Variants in SLC23A2 observed in about 807,000 individuals in gnomAD.
SLC23A2 encodes Na(+)/L-ascorbic acid transporter 2.
SLC23A2 carries 36 observed loss-of-function variants against 73.3 expected under a neutral mutation model. That is an observed-to-expected ratio of 0.49 (90% CI 0.38 to 0.65). SLC23A2 has a LOEUF of 0.65. Ranked by LOEUF, SLC23A2 falls within the 30% of genes least tolerant of loss-of-function variation. The pLI is 0.00. For missense variants in SLC23A2, 507 were observed against 841.6 expected (o/e 0.60, Z 4.92); for synonymous variants, 343 against 327.3 (o/e 1.05, Z -0.52).
rs11697164 is a variant in SLC23A2, at chr20:4,975,436, A to G, written c.-281-4517T>C. On this transcript the variant is annotated intron_variant, in intron 1 of 16. Transcript: ENST00000338244. ...CACTCTGTTGCCCAGGCTGGAATGC[A>G]GTGGTGCCATCTTGGCTCACTGCAA... Among the ~76,000 whole-genome samples the G allele has an allele frequency of 4.8e-3, 734 of 152,300 alleles. 4 individuals are homozygous for G. The Middle Eastern group carries it at 0.054, about 11-fold the overall frequency.
intron 2 of SLC23A2, among the ~76,000 whole-genome samples, chr20:4,949,637 GCA>G (rs559250145): frequency 9.4e-4 from 143 of 151,908 alleles, no homozygotes; most frequent in African/African-American, 3.4e-3. Flanking sequence ...ACCTACACAG[GCA>G]CAGTCACACA....
intron 12 of SLC23A2, among the ~76,000 whole-genome samples, chr20:4,869,294 G>A (rs575873662): frequency 4.0e-5 from 6 of 150,782 alleles, no homozygotes; most frequent in East Asian, 1.9e-4. Context: ...TGGGCAACAC[G>A]GTGAGACCCT....
At chr20:5,004,116 A>G (rs2122392805), upstream of SLC23A2, among the ~76,000 whole-genome samples, 1 of 152,208 alleles carries the variant, frequency 6.6e-6, no homozygotes, top group East Asian at 1.9e-4. Flanking sequence ...CTCCCTAGAC[A>G]AGACAGACAT....
chr20:4,999,451 T>C (rs2088080523), intron 1 of SLC23A2, among the ~76,000 whole-genome samples: 1 of 152,150 alleles, frequency 6.6e-6, no homozygotes, highest in African/African-American at 2.4e-5. Context: ...AGACTAGAGT[T>C]TGCTCCATCA....
chr20:4,945,302 T>TTGTTTGTC (rs1003344370), intron 2 of SLC23A2, among the ~76,000 whole-genome samples: 1 of 152,018 alleles, frequency 6.6e-6, no homozygotes, highest in African/African-American at 2.4e-5. Context: ...TCTTGTTTGT[T>TTGTTTGTC]TGTTTGTTTG....
intron 2 of SLC23A2, among the ~76,000 whole-genome samples, chr20:4,957,123 C>T (rs2087303189): frequency 6.6e-6 from 1 of 151,924 alleles, no homozygotes; most frequent in Non-Finnish European, 1.5e-5. Context: ...CCTCTTCTTA[C>T]TGGCTGCAGG....
At chr20:4,961,292 A>G (rs1489330195) in intron 2 of SLC23A2, among the ~76,000 whole-genome samples, 1 of 152,056 alleles carries the variant, frequency 6.6e-6, no homozygotes, top group Admixed American at 6.6e-5. Flanking sequence ...CTTGTTAGCC[A>G]GGATGGTCTC....
intron 4 of SLC23A2, among the ~76,000 whole-genome samples, chr20:4,905,782 GC>G (rs1931926940): frequency 6.6e-6 from 1 of 152,182 alleles, no homozygotes; most frequent in African/African-American, 2.4e-5. Context: ...AATATTTCAA[GC>G]TTTGGGAGCC....
chr20:4,882,962 T>C (rs1296355711), intron 9 of SLC23A2, among the ~76,000 whole-genome samples: 3 of 152,202 alleles, frequency 2.0e-5, no homozygotes, highest in Non-Finnish European at 2.9e-5. Context: ...ACATAGAGAA[T>C]GTGGGCTCTG....
Position 4,896,204 on chromosome 20 carries a change from G to A in SLC23A2, c.482+3351C>T, listed in dbSNP as rs538857609. 2.0e-4 allele frequency among the ~76,000 whole-genome samples: 30 copies of A among 152,250 alleles called. 1 individual carries two copies. Among genetic ancestry groups the A allele is most frequent in the Non-Finnish European group, 3.7e-4 (25 of 67,988 alleles). ...AAGGGGGGAACCAGCGGCCTCTCTC[G>A]TTGCCTCAGTGCCCCTTCGCTGCCT... On this transcript the variant is annotated intron_variant, in intron 6 of 16. Transcript: ENST00000338244.
chr20:4,970,941 A>G (rs927678156), intron 1 of SLC23A2, 22 bp from the exon 2 acceptor site: 2 of 152,344 alleles, frequency 1.3e-5, no homozygotes, highest in East Asian at 1.9e-4. Context: ...CAAATGGTAA[A>G]TTAAAAGTAA....
At chr20:4,867,702 G>T in intron 13 of SLC23A2, 68 bp downstream of exon 13, 2 of 854,922 alleles carry the variant, frequency 2.3e-6, no homozygotes, top group Non-Finnish European at 3.8e-6. Context: ...ACTTGCAGTG[G>T]CCAGATCGAT....
At chr20:5,007,336 G>A (rs1413563670) in intron 1 of SLC23A2, among the ~76,000 whole-genome samples, 3 of 152,148 alleles carry the variant, frequency 2.0e-5, no homozygotes, top group Non-Finnish European at 4.4e-5. Flanking sequence ...TTGGAGACCA[G>A]CTTGGTGAAC....
chr20:4,874,441 G>GTCAT, intron 10 of SLC23A2, 135 bp downstream of exon 10: 1 of 782,030 alleles, frequency 1.3e-6, no homozygotes, highest in Non-Finnish European at 2.1e-6. Context: ...GATCTGAGTG[G>GTCAT]TCATTAGTAG....
chr20:4,864,050 G>A (rs1930093169), intron 13 of SLC23A2, among the ~76,000 whole-genome samples: 1 of 152,140 alleles, frequency 6.6e-6, no homozygotes, highest in Non-Finnish European at 1.5e-5. Context: ...AGGTGGTGCT[G>A]GCATCAGGCT....
At chr20:4,894,244 G>A (rs1931437520) in intron 6 of SLC23A2, among the ~76,000 whole-genome samples, 1 of 152,114 alleles carries the variant, frequency 6.6e-6, no homozygotes, top group Non-Finnish European at 1.5e-5. Flanking sequence ...GGAAAAGGTA[G>A]GGAGGAAGAG....
At chr20:5,002,446 G>C (rs1279683), upstream of SLC23A2, among the ~76,000 whole-genome samples, 5 of 152,012 alleles carry the variant, frequency 3.3e-5, no homozygotes, top group Middle Eastern at 3.4e-3. Flanking sequence ...TCTTGAAACC[G>C]TTGTCATGGT....
At chr20:4,910,803 T>C (rs1932114964) in intron 4 of SLC23A2, among the ~76,000 whole-genome samples, 1 of 151,836 alleles carries the variant, frequency 6.6e-6, no homozygotes, top group Non-Finnish European at 1.5e-5. Flanking sequence ...GTAAGAAAAA[T>C]GGCCAGGAAA....
At position 4,957,594 on chromosome 20, in the gene SLC23A2, A is replaced by C. The variant is rs2087311404; in HGVS notation, c.-155+13199T>G. 2.0e-5 allele frequency among the ~76,000 whole-genome samples: 3 copies of C among 151,538 alleles called. No individual in the cohort carries two copies. The South Asian group carries it at 6.2e-4, about 31-fold the overall frequency. On this transcript the variant is annotated intron_variant, in intron 2 of 16. Transcript: ENST00000338244. ...AAAACTATAACCTCAAAAAAAAAAA[A>C]AAAGAAAAGAAAAAAAACCCAACAG...
Sources: gnomAD v4.1 joint callset for allele counts (sites outside exome capture counted in the v4.1 genomes callset) on GRCh38, gnomAD v4.1.1 for gene constraint, MANE v1.5 for transcripts, NCBI Gene and HGNC (gene_info 2026-07-23, HGNC 2026-07-21) for gene names.